The following CDK14 variants were observed in gnomAD, a reference collection of about 807,000 sequenced individuals.
CDK14 encodes cyclin dependent kinase 14, also known as cyclin-dependent kinase 14.
In CDK14, 34 loss-of-function variants were observed where a neutral mutation model predicts 60.7. The ratio of observed to expected loss-of-function variants is 0.56; its 90% CI spans 0.43 to 0.75. CDK14 has a LOEUF of 0.75. Among genes scored for constraint, CDK14 ranks in the 30% least tolerant of loss-of-function variants. The pLI is 0.00. For synonymous variants in CDK14, 197 were observed against 203.7 expected (o/e 0.97, Z 0.28); for missense variants, 482 against 564.1 (o/e 0.85, Z 1.47).
chr7:90,928,055 C>G (rs1793474446), intron 8 of CDK14, among the ~76,000 whole-genome samples: 1 of 152,130 alleles, frequency 6.6e-6, no homozygotes, highest in South Asian at 2.1e-4. Context: ...CCATGGTTTT[C>G]AGCTCCATCA....
intron 14 of CDK14, among the ~76,000 whole-genome samples, chr7:91,166,057 C>G (rs576670160): frequency 1.3e-4 from 20 of 152,328 alleles, no homozygotes; most frequent in Admixed American, 1.3e-3. Context: ...CACCAAGCTA[C>G]ACAAACCAAC....
At chr7:90,942,313 C>T (rs1793959728) in intron 8 of CDK14, among the ~76,000 whole-genome samples, 1 of 152,118 alleles carries the variant, frequency 6.6e-6, no homozygotes, top group Non-Finnish European at 1.5e-5. Flanking sequence ...CATCTTAGAT[C>T]TTGGAGTCCA....
chr7:91,049,146 T>G (rs959919750), intron 11 of CDK14, among the ~76,000 whole-genome samples: 1 of 152,164 alleles, frequency 6.6e-6, no homozygotes, highest in Admixed American at 6.5e-5. Flanking sequence ...CCTCCCAAAG[T>G]GCTGGGATTA....
intron 4 of CDK14, among the ~76,000 whole-genome samples, chr7:90,785,836 C>T (rs1205849253): frequency 6.6e-6 from 1 of 151,322 alleles, no homozygotes; most frequent in Non-Finnish European, 1.5e-5. Context: ...GCTTTACTCC[C>T]ACAAGAAAAT....
intron 2 of CDK14, among the ~76,000 whole-genome samples, chr7:90,684,479 C>T (rs541624474): frequency 6.6e-6 from 1 of 152,308 alleles, no homozygotes; most frequent in South Asian, 2.1e-4. Context: ...TCCTTCTTCC[C>T]CATCCTTGTT....
intron 10 of CDK14, among the ~76,000 whole-genome samples, chr7:90,988,075 T>C (rs995184520): frequency 1.3e-5 from 2 of 152,182 alleles, no homozygotes; most frequent in South Asian, 2.1e-4. Context: ...ACTGAGTCTT[T>C]ATAAAATATG....
At chr7:90,640,329 A>G (rs952739898) in intron 2 of CDK14, among the ~76,000 whole-genome samples, 4 of 152,180 alleles carry the variant, frequency 2.6e-5, no homozygotes, top group East Asian at 1.9e-4. Flanking sequence ...AATATTAATA[A>G]TGATAATTAA....
At chr7:91,093,908 G>A (rs772925931) in intron 12 of CDK14, among the ~76,000 whole-genome samples, 30 of 152,222 alleles carry the variant, frequency 2.0e-4, no homozygotes, top group Middle Eastern at 3.4e-3. Context: ...TTAATGTTAA[G>A]TATATTAACA....
At chr7:90,807,753 T>C (rs373687776) in intron 5 of CDK14, among the ~76,000 whole-genome samples, 2 of 152,110 alleles carry the variant, frequency 1.3e-5, no homozygotes, top group East Asian at 3.9e-4. Flanking sequence ...GCATAACCAG[T>C]GCAGAGAAGT....
intron 2 of CDK14, among the ~76,000 whole-genome samples, chr7:90,674,875 A>G (rs958101044): frequency 6.6e-6 from 1 of 152,230 alleles, no homozygotes; most frequent in African/African-American, 2.4e-5. Context: ...CTGCCTGGAC[A>G]GGAGCACCAC....
At chr7:90,962,291 A>C (rs2117593933) in intron 9 of CDK14, among the ~76,000 whole-genome samples, 1 of 152,274 alleles carries the variant, frequency 6.6e-6, no homozygotes, top group South Asian at 2.1e-4. Flanking sequence ...GTTCAAGACC[A>C]GTCCCATCAA....
chr7:91,121,569 T>A (rs1164131760), intron 14 of CDK14, among the ~76,000 whole-genome samples: 1 of 152,218 alleles, frequency 6.6e-6, no homozygotes, highest in Admixed American at 6.5e-5. Context: ...CATAAATTGG[T>A]CTTAGTGGAA....
intron 9 of CDK14, among the ~76,000 whole-genome samples, chr7:90,971,625 A>G (rs1794933924): frequency 6.6e-6 from 1 of 150,738 alleles, no homozygotes; most frequent in Non-Finnish European, 1.5e-5. Flanking sequence ...CTTAGGATGT[A>G]GACAACTTGA....
At chr7:91,095,000 G>A (rs1412729137) in intron 12 of CDK14, among the ~76,000 whole-genome samples, 1 of 152,184 alleles carries the variant, frequency 6.6e-6, no homozygotes, top group African/African-American at 2.4e-5. Context: ...AGATGTCATG[G>A]AACATTCAAG....
chr7:91,076,622 A>G (rs905036512), intron 11 of CDK14, among the ~76,000 whole-genome samples: 2 of 152,230 alleles, frequency 1.3e-5, no homozygotes, highest in Non-Finnish European at 2.9e-5. Flanking sequence ...GCCAAAAGCA[A>G]TTTTAACAAA....
intron 11 of CDK14, among the ~76,000 whole-genome samples, chr7:91,063,376 AACTG>A (rs1431461659): frequency 6.6e-6 from 1 of 152,206 alleles, no homozygotes; most frequent in African/African-American, 2.4e-5. Context: ...CAGGATGATA[AACTG>A]ACTACTAATT....
At chr7:90,916,256 T>C (rs6942617) in intron 7 of CDK14, among the ~76,000 whole-genome samples, 150,017 of 152,270 alleles carry the variant, frequency 0.99, 73,936 homozygotes, top group East Asian at 1. Flanking sequence ...GTTTGTTGTA[T>C]AAGAAGCGTT....
chr7:91,133,950 A>G (rs1461045307), intron 14 of CDK14, among the ~76,000 whole-genome samples: 1 of 152,182 alleles, frequency 6.6e-6, no homozygotes, highest in Non-Finnish European at 1.5e-5. Flanking sequence ...ATGCTGATAA[A>G]TTAATACTAG....
chr7:91,021,351 G>A (rs949873303), intron 10 of CDK14, among the ~76,000 whole-genome samples: 4 of 152,174 alleles, frequency 2.6e-5, no homozygotes, highest in African/African-American at 9.7e-5. Context: ...ATATCTACCT[G>A]ATAGGATGGC....
Sources: gnomAD v4.1 joint callset for allele counts (sites outside exome capture counted in the v4.1 genomes callset) on GRCh38, gnomAD v4.1.1 for gene constraint, MANE v1.5 for transcripts, NCBI Gene and HGNC (gene_info 2026-07-23, HGNC 2026-07-21) for gene names.